SQOR: variants seen among roughly 807,000 people sequenced by gnomAD.
SQOR encodes sulfide quinone oxidoreductase.
Under a neutral mutation model 48.6 loss-of-function variants are expected in SQOR, and 39 were observed. The ratio of observed to expected loss-of-function variants is 0.80; its 90% CI spans 0.62 to 1.05. The LOEUF (loss-of-function observed/expected upper bound fraction) is 1.05. Among genes scored for constraint, SQOR ranks in the 50% least tolerant of loss-of-function variants. The probability of loss-of-function intolerance (pLI) is 0.00; values close to 1 mark genes in which losing one functional copy is unlikely to be tolerated. For synonymous variants in SQOR, 220 were observed against 206.2 expected, an observed-to-expected ratio of 1.07 and a Z score of -0.57; for missense variants, 561 against 559.9, an observed-to-expected ratio of 1.00 and a Z score of -0.02.
chr15:45,634,197 AC>A (rs1469898697), upstream of SQOR, among the ~76,000 whole-genome samples: 48 of 19,830 alleles, frequency 2.4e-3, no homozygotes, highest in Non-Finnish European at 3.5e-3. Flanking sequence ...AACAACAACA[AC>A]TATATATATA....
At chr15:45,640,908 T>C (rs1029863117) in intron 1 of SQOR, among the ~76,000 whole-genome samples, 4 of 152,160 alleles carry the variant, frequency 2.6e-5, no homozygotes, top group Non-Finnish European at 1.5e-5. Flanking sequence ...ACCTGAAAAT[T>C]ACCTGACCAG....
chr15:45,689,117 C>G lies in SQOR; in HGVS notation c.1195C>G (p.Pro399Ala). The stretch of plus-strand genomic sequence containing the variant: ...TGCTGAGTTTGACTACAAAGCAGAG[C>G]CGCTAGAAACCTTCCCCTTTGATCA... ...ILAEFDYKAE[P>A]LETFPFDQSK... is the part of the protein sequence containing the mutation. The change falls in exon 9 of 10, where the codon CCG becomes GCG. Residue 399 changes from proline to alanine, a missense_variant. Pro to Ala is a conservative substitution (Grantham distance 27). Transcript: ENST00000260324. The G allele has an allele frequency of 6.2e-7, 1 of 1,614,160 alleles. No homozygotes were observed. The highest frequency in any genetic ancestry group is 1.1e-5 in the South Asian group (1 of 91,074).
At chr15:45,657,897 T>G (rs1055001268) in intron 1 of SQOR, among the ~76,000 whole-genome samples, 1 of 152,158 alleles carries the variant, frequency 6.6e-6, no homozygotes, top group Admixed American at 6.5e-5. Flanking sequence ...ACGGTAGGAT[T>G]TGGGGCACTG....
rs1890036135 is a variant in SQOR, at chr15:45,676,304, G to C, written c.858G>C (p.Val286=). 6.2e-7 allele frequency: 1 copy of C among 1,613,896 alleles called. No individual in the cohort carries two copies. The highest frequency in any genetic ancestry group is 8.5e-7 in the Non-Finnish European group (1 of 1,179,870). The change falls in exon 6 of 10, where the codon GTG becomes GTC. Residue 286 remains valine, a synonymous_variant. Transcript: ENST00000260324. ...ENLDKPGETQ[V]ISYEMLHVTP... ...TGGACAAACCAGGAGAGACCCAAGT[G>C]ATTTCAGTGAGTGGTGAGGCTAAGC...
upstream of SQOR, among the ~76,000 whole-genome samples, chr15:45,634,198 C>CTATATATATATATA (rs60889862): frequency 8.4e-3 from 367 of 43,830 alleles, 41 homozygotes; most frequent in African/African-American, 0.018. Flanking sequence ...ACAACAACAA[C>CTATATATATATATA]TATATATATA....
chr15:45,688,155 C>T (rs1566924771), intron 7 of SQOR, among the ~76,000 whole-genome samples, 182 bp from the exon 8 acceptor site: 1 of 152,114 alleles, frequency 6.6e-6, no homozygotes, highest in Non-Finnish European at 1.5e-5. Context: ...CGCAGGCCTT[C>T]CATGAATTAA....
intron 2 of SQOR, 51 bp downstream of exon 2, chr15:45,659,208 G>A (rs1315306576): frequency 7.3e-7 from 1 of 1,364,086 alleles, no homozygotes; most frequent in Non-Finnish European, 9.8e-7. Flanking sequence ...GTGTGTGTGT[G>A]TGAGTGTGTG....
upstream of SQOR, among the ~76,000 whole-genome samples, chr15:45,633,764 T>C (rs1894944077): frequency 1.3e-5 from 2 of 151,712 alleles, no homozygotes; most frequent in South Asian, 4.2e-4. Context: ...TGGAATTGAG[T>C]TACCAATAAA....
At chr15:45,639,299 A>G (rs1206017108) in intron 1 of SQOR, among the ~76,000 whole-genome samples, 1 of 152,258 alleles carries the variant, frequency 6.6e-6, no homozygotes, top group Non-Finnish European at 1.5e-5. Flanking sequence ...CTCTTCAGCA[A>G]GTGACCTAGG....
chr15:45,657,986 G>C (rs943688691), intron 1 of SQOR, among the ~76,000 whole-genome samples: 75 of 152,230 alleles, frequency 4.9e-4, no homozygotes, highest in African/African-American at 1.8e-3. Flanking sequence ...TGTCAGGCCA[G>C]CTTTGTGTGT....
chr15:45,685,680 C>T (rs72715096), intron 7 of SQOR, among the ~76,000 whole-genome samples: 1 of 152,112 alleles, frequency 6.6e-6, no homozygotes, highest in Non-Finnish European at 1.5e-5. Flanking sequence ...GTCTCCACTC[C>T]TTTTCCATTG....
At chr15:45,655,615 CTAA>C (rs1889588527) in intron 1 of SQOR, among the ~76,000 whole-genome samples, 1 of 151,152 alleles carries the variant, frequency 6.6e-6, no homozygotes, top group South Asian at 2.1e-4. Context: ...AAAACCATTG[CTAA>C]TATTTAGGTA....
rs938494356 is a variant in SQOR at position 45,648,280 on chromosome 15, C to T, written c.-17-10627C>T. 2.0e-5 allele frequency among the ~76,000 whole-genome samples: 3 copies of T among 151,900 alleles called. No individual in the cohort carries two copies. The South Asian group carries it at 6.2e-4, about 32-fold the overall frequency. Reference sequence around the variant, plus strand: ...GCAACCTCCGCCTTCTGGGTTCAAGCGATTCTCATGCTTCAGCCTTCCCAG... The same window carrying T: ...GCAACCTCCGCCTTCTGGGTTCAAGTGATTCTCATGCTTCAGCCTTCCCAG... On this transcript the variant is annotated intron_variant, in intron 1 of 9. Transcript: ENST00000260324.
Position 45,691,165 on chromosome 15 carries a change from C to T in SQOR, c.*135C>T. On this transcript the variant is annotated 3_prime_UTR_variant, in exon 10 of 10. Transcript: ENST00000260324. ...TTGATGGGTAATGGTGACCAAATGC[C>T]TCCCTTTTCAGTACCTTTGAACAGC... 1 of 765,028 alleles carries T rather than the reference C, an allele frequency of 1.3e-6. No individual in the cohort carries two copies. The highest frequency in any genetic ancestry group is 1.5e-5 in the South Asian group (1 of 66,852). 47.4% of individuals were successfully genotyped at this position (765,028 alleles called of 1,614,324 possible).
At chr15:45,683,846 T>C (rs1419655082) in intron 7 of SQOR, among the ~76,000 whole-genome samples, 1 of 151,528 alleles carries the variant, frequency 6.6e-6, no homozygotes, top group Non-Finnish European at 1.5e-5. Context: ...ATTATGTATG[T>C]ATATATTATG....
chr15:45,672,524 C>G (rs1033671299), intron 4 of SQOR, among the ~76,000 whole-genome samples: 7 of 152,080 alleles, frequency 4.6e-5, no homozygotes, highest in African/African-American at 1.7e-4. Flanking sequence ...TCCTTGAGAC[C>G]TCAGGGATAA....
chr15:45,657,846 AG>A (rs913296366), intron 1 of SQOR, among the ~76,000 whole-genome samples: 4 of 152,160 alleles, frequency 2.6e-5, no homozygotes, highest in Non-Finnish European at 4.4e-5. Flanking sequence ...ATTTTAATAA[AG>A]GGTTCTTGGA....
At chr15:45,675,004 C>T (rs1255251591) in intron 5 of SQOR, among the ~76,000 whole-genome samples, 4 of 152,124 alleles carry the variant, frequency 2.6e-5, no homozygotes, top group African/African-American at 9.7e-5. Flanking sequence ...TGCAACAACC[C>T]TGTGAGGTAG....
upstream of SQOR, among the ~76,000 whole-genome samples, chr15:45,632,697 T>C (rs899227880): frequency 6.6e-6 from 1 of 151,946 alleles, no homozygotes; most frequent in Non-Finnish European, 1.5e-5. Context: ...ATTTTGGAAA[T>C]ATAGGAGGGG....
Sources: gnomAD v4.1 joint callset for allele counts (sites outside exome capture counted in the v4.1 genomes callset) on GRCh38, gnomAD v4.1.1 for gene constraint, MANE v1.5 for transcripts, NCBI Gene and HGNC (gene_info 2026-07-23, HGNC 2026-07-21) for gene names.